Variants in GRIK3 observed in about 807,000 individuals in gnomAD.
The protein encoded by GRIK3 is glutamate receptor ionotropic, kainate 3.
In GRIK3, 29 loss-of-function variants were observed where a neutral mutation model predicts 102.5. The observed-to-expected ratio is 0.28, with a 90% CI of 0.21 to 0.39. GRIK3 has a LOEUF of 0.39. Among genes scored for constraint, GRIK3 ranks in the 10% least tolerant of loss-of-function variants. GRIK3 has a pLI of 1.00. For synonymous variants in GRIK3, 511 were observed against 504.9 expected (o/e 1.01, Z -0.16); for missense variants, 908 against 1,252.4 (o/e 0.73, Z 4.15).
At chr1:36,896,712 G>T (rs1201890712) in intron 1 of GRIK3, among the ~76,000 whole-genome samples, 7 of 152,118 alleles carry the variant, frequency 4.6e-5, no homozygotes, top group Admixed American at 4.6e-4. Flanking sequence ...AACTAAAAGA[G>T]ATTGTCAAAG....
Position 36,859,215 on chromosome 1 carries a change from C to T in GRIK3, c.997G>A (p.Val333Met), listed in dbSNP as rs1357895131. ...AALLYDAVHI[V>M]SVCYQRAPQM... ...GGTGCCCGCTGGTAGCACACGGACA[C>T]GATATGGACGGCGTCGTACAGTAAG... Residue 333 changes from valine to methionine, a missense_variant, in exon 7 of 16, where the codon GTG (valine) becomes ATG (methionine). Val to Met is a conservative substitution (Grantham distance 21, BLOSUM62 1). Transcript: ENST00000373091. 5.6e-6 allele frequency: 9 copies of T among 1,613,464 alleles called. No individual in the cohort carries two copies. Among genetic ancestry groups the T allele is most frequent in the African/African-American group, 1.3e-5 (1 of 74,910 alleles).
chr1:36,840,042 C>T (rs1640427802), intron 10 of GRIK3, among the ~76,000 whole-genome samples: 1 of 152,190 alleles, frequency 6.6e-6, no homozygotes, highest in Non-Finnish European at 1.5e-5. Flanking sequence ...ATGAACCTCC[C>T]TCTGTCCTGG....
chr1:36,958,562 T>G (rs1200834104), intron 1 of GRIK3, among the ~76,000 whole-genome samples: 1 of 151,020 alleles, frequency 6.6e-6, no homozygotes, highest in African/African-American at 2.4e-5. Flanking sequence ...TGTGAGTCTG[T>G]GCCCTGTGAC....
chr1:36,829,547 T>C (rs569149034), intron 10 of GRIK3, among the ~76,000 whole-genome samples: 17 of 152,244 alleles, frequency 1.1e-4, no homozygotes, highest in East Asian at 3.9e-4. Flanking sequence ...AACGAGTGTT[T>C]TGTCAGCCCT....
chr1:36,986,416 GTCCA>G (rs34375905), intron 1 of GRIK3, among the ~76,000 whole-genome samples: 15,740 of 130,648 alleles, frequency 0.12, 1,031 homozygotes, highest in South Asian at 0.2. Context: ...CCATCTCTCT[GTCCA>G]TCCATCCATC....
intron 1 of GRIK3, among the ~76,000 whole-genome samples, chr1:36,990,402 C>CAGT (rs914318643): frequency 9.9e-5 from 15 of 152,254 alleles, no homozygotes; most frequent in African/African-American, 3.6e-4. Context: ...CTTGGAAGGG[C>CAGT]AGTACCCTTG....
chr1:36,939,873 G>C (rs187131197), intron 1 of GRIK3, among the ~76,000 whole-genome samples: 4 of 150,828 alleles, frequency 2.7e-5, no homozygotes, highest in Admixed American at 6.6e-5. Context: ...TACCACTACC[G>C]TTGTCCCTGG....
At chr1:36,958,226 G>A (rs1570823997) in intron 1 of GRIK3, among the ~76,000 whole-genome samples, 1 of 101,372 alleles carries the variant, frequency 9.9e-6, no homozygotes, top group African/African-American at 4.3e-5. Context: ...CCGTGAGCCT[G>A]TGTGCCCCGT....
At chr1:36,953,770 G>A (rs944858983) in intron 1 of GRIK3, among the ~76,000 whole-genome samples, 1 of 152,062 alleles carries the variant, frequency 6.6e-6, no homozygotes, top group Non-Finnish European at 1.5e-5. Flanking sequence ...TGCAGGGCAG[G>A]TGGTGAGAGA....
intron 2 of GRIK3, among the ~76,000 whole-genome samples, chr1:36,883,654 C>T (rs996441985): frequency 4.6e-5 from 7 of 152,168 alleles, no homozygotes; most frequent in African/African-American, 1.7e-4. Context: ...GTGGGTATGT[C>T]CCCTGGTCCC....
chr1:36,940,630 T>G (rs1294418099), intron 1 of GRIK3, among the ~76,000 whole-genome samples: 1 of 152,180 alleles, frequency 6.6e-6, no homozygotes, highest in African/African-American at 2.4e-5. Flanking sequence ...GGGGCCTGCC[T>G]CCCGGGGCAC....
At chr1:36,879,714 TCCTACC>T (rs1640945083) in intron 3 of GRIK3, among the ~76,000 whole-genome samples, 1 of 152,014 alleles carries the variant, frequency 6.6e-6, no homozygotes, top group Admixed American at 6.5e-5. Context: ...GTCAGGTGGG[TCCTACC>T]CAGAAAAATG....
rs142616465 is a variant in GRIK3 at position 36,951,962 on chromosome 1, T to C, written c.116-60866A>G. 3.9e-3 allele frequency among the ~76,000 whole-genome samples: 593 copies of C among 152,154 alleles called. 3 individuals carry two copies. Among genetic ancestry groups the C allele is most frequent in the African/African-American group, 0.013 (543 of 41,512 alleles). On this transcript the variant is annotated intron_variant, in intron 1 of 15. Coordinates refer to ENST00000373091, the MANE Select transcript of GRIK3 (RefSeq NM_000831.4). ...GGCCTCTGCCAGGTGGGTTCTGTCT[T>C]GTGGGGAGGAGCATCGAAGGGAAAT...
In GRIK3 at chr1:36,806,425, C is replaced by T. The variant is rs1003759535; in HGVS notation, c.2092-99G>A. 33 of 684,126 alleles carry T rather than the reference C, an allele frequency of 4.8e-5. 1 individual carries two copies. Among genetic ancestry groups the T allele is most frequent in the East Asian group, 4.3e-4 (16 of 36,822 alleles). The allele number at this position is 684,126 out of a possible 1,614,324, so 42.4% of individuals were successfully genotyped here. A position where few individuals can be genotyped will look rare whatever the true frequency, so the allele number is the denominator to read the frequency against. ...ACAACGTGGGTTGGGGCCTTGAACT[C>T]GGTCTACAATCTTCAGAGAAAGGAA... On this transcript the variant is annotated intron_variant, in intron 13 of 15. Transcript: ENST00000373091. This position sits in a 1 kb window ranked among gnomAD's most constrained non-coding sequence, Gnocchi z 4.0.
intron 1 of GRIK3, among the ~76,000 whole-genome samples, chr1:36,930,811 G>C (rs927893590): frequency 6.6e-6 from 1 of 152,198 alleles, no homozygotes; most frequent in African/African-American, 2.4e-5. Flanking sequence ...CTATCCAAGG[G>C]AACAATAGGA....
chr1:36,825,740 A>C lies in GRIK3; in HGVS notation c.1617T>G (p.Gly539=). Residue 539 remains glycine, a synonymous_variant, in exon 11 of 16, where the codon GGT becomes GGG. Coordinates refer to ENST00000373091, the MANE Select transcript of GRIK3 (RefSeq NM_000831.4). ...TGGGCTTTCGATACAGGATGCTCAC[A>C]CCAAGTGTCATGAAGGGCTTGGAGA... The part of the protein sequence containing the change: ...IDFSKPFMTL[G]VSILYRKPNG... 6.2e-7 allele frequency: 1 copy of C among 1,614,042 alleles called. No individual in the cohort carries two copies. The highest frequency in any genetic ancestry group is 8.5e-7 in the Non-Finnish European group (1 of 1,179,970).
intron 1 of GRIK3, among the ~76,000 whole-genome samples, chr1:36,896,456 G>C (rs1432871180): frequency 1.3e-5 from 2 of 152,050 alleles, no homozygotes; most frequent in African/African-American, 2.4e-5. Flanking sequence ...ACTTGGATTA[G>C]TTGCATATGT....
At chr1:37,027,400 G>A (rs1642775134) in intron 1 of GRIK3, among the ~76,000 whole-genome samples, 1 of 151,998 alleles carries the variant, frequency 6.6e-6, no homozygotes, top group South Asian at 2.1e-4. Context: ...AAGATAAGTG[G>A]GAGGAAAAGC....
At chr1:36,874,709 G>A (rs1640894496) in intron 3 of GRIK3, among the ~76,000 whole-genome samples, 1 of 152,230 alleles carries the variant, frequency 6.6e-6, no homozygotes, top group Non-Finnish European at 1.5e-5. Context: ...CTTATGTGCA[G>A]CATCAGCAGG....
Sources: allele counts gnomAD v4.1 joint callset (sites outside exome capture counted in the v4.1 genomes callset), GRCh38; gene constraint gnomAD v4.1.1; non-coding constraint Gnocchi (gnomAD v3.1); transcripts MANE v1.5; gene names NCBI Gene and HGNC (gene_info 2026-07-23, HGNC 2026-07-21).